Variants in WDR59 observed in about 807,000 individuals in gnomAD.
WDR59 encodes WD repeat domain 59.
A neutral mutation model predicts 131.2 loss-of-function variants in WDR59; 100 were observed. The ratio of observed to expected loss-of-function variants is 0.76; its 90% confidence interval spans 0.65 to 0.90. The LOEUF is 0.90. Among genes scored for constraint, WDR59 ranks in the 40% least tolerant of loss-of-function variants. WDR59 has a pLI of 0.00. For missense variants in WDR59, 1,203 were observed against 1,262.2 expected (o/e 0.95, Z 0.71); for synonymous variants, 601 against 466.2 (o/e 1.29, Z -3.72).
At chr16:74,889,865 C>A (rs753605287) in intron 20 of WDR59, 50 bp from the exon 21 acceptor site, 1 of 1,450,294 alleles carries the variant, frequency 6.9e-7, no homozygotes, top group Non-Finnish European at 9.6e-7. Flanking sequence ...GGACAAGAAC[C>A]GAAACCATGA....
rs1174277803 is a variant in WDR59, at chr16:74,908,942, G to A, written c.1678C>T (p.His560Tyr). Residue 560 changes from histidine to tyrosine, a missense_variant, in exon 17 of 26, where the codon CAT (histidine) becomes TAT (tyrosine). By Grantham distance (83) the His-to-Tyr change is moderately conservative. Transcript: ENST00000262144. ...LVYFTRPMTM[H>Y]RAVSPTEPTP... Reference sequence around the variant, plus strand: ...GGCTCTGTGGGAGACACCGCCCGATGCATTGTCATGGGCCTTGTGAAATAT... The same window carrying A: ...GGCTCTGTGGGAGACACCGCCCGATACATTGTCATGGGCCTTGTGAAATAT... 2.5e-6 allele frequency: 4 copies of A among 1,614,150 alleles called. No individual in the cohort carries two copies. The highest frequency in any genetic ancestry group is 3.4e-6 in the Non-Finnish European group (4 of 1,179,996).
rs534749132 is a variant in WDR59, at chr16:74,945,727, G to A, written c.445+2792C>T. On this transcript the variant is annotated intron_variant, in intron 6 of 25. Coordinates refer to ENST00000262144, the MANE Select transcript of WDR59 (RefSeq NM_030581.4). ...AACAAATGCTCAGTCCCCCTTATCCGCGGGTCCACCTTCTACAGTGTGAGT... is the reference window on the plus strand; with the variant it reads ...AACAAATGCTCAGTCCCCCTTATCCACGGGTCCACCTTCTACAGTGTGAGT... Among the ~76,000 whole-genome samples, 12 of 152,006 alleles carry A rather than the reference G, an allele frequency of 7.9e-5. No individual in the cohort carries two copies. In the East Asian group the frequency reaches 1.2e-3, roughly 15 times the overall value.
At chr16:74,975,491 C>T (rs1178106107) in intron 1 of WDR59, among the ~76,000 whole-genome samples, 4 of 151,596 alleles carry the variant, frequency 2.6e-5, no homozygotes, top group African/African-American at 9.7e-5. Flanking sequence ...GGTAAAACCC[C>T]GTCTCTACTA....
chr16:74,938,979 C>T (rs895363742), intron 7 of WDR59, among the ~76,000 whole-genome samples: 1 of 151,890 alleles, frequency 6.6e-6, no homozygotes, highest in Admixed American at 6.6e-5. Context: ...CACTAAGATT[C>T]CAAAGGAGAA....
intron 1 of WDR59, among the ~76,000 whole-genome samples, chr16:74,977,082 AG>A (rs1361964489): frequency 6.6e-6 from 1 of 152,154 alleles, no homozygotes; most frequent in African/African-American, 2.4e-5. Flanking sequence ...ATCAAAAGAC[AG>A]CACATAGCTG....
chr16:74,953,610 A>G (rs2033125481), intron 3 of WDR59, among the ~76,000 whole-genome samples: 1 of 152,204 alleles, frequency 6.6e-6, no homozygotes, highest in African/African-American at 2.4e-5. Flanking sequence ...GGAAGAAAAC[A>G]TTTGCAAATC....
intron 8 of WDR59, among the ~76,000 whole-genome samples, chr16:74,931,279 T>TGG (rs2031361750): frequency 6.6e-6 from 1 of 152,170 alleles, no homozygotes; most frequent in Admixed American, 6.5e-5. Flanking sequence ...AAAAATTACA[T>TGG]TAAATCGAAT....
chr16:74,895,055 G>A (rs1965228049), intron 18 of WDR59, among the ~76,000 whole-genome samples: 1 of 152,136 alleles, frequency 6.6e-6, no homozygotes, highest in Non-Finnish European at 1.5e-5. Context: ...TCTGACCACT[G>A]ATATCCCATT....
intron 3 of WDR59, among the ~76,000 whole-genome samples, chr16:74,952,192 T>C (rs919503983): frequency 1.3e-5 from 2 of 151,762 alleles, no homozygotes; most frequent in African/African-American, 4.8e-5. Context: ...TGGTGGCTCA[T>C]GCCTGTAATC....
chr16:74,951,988 G>T lies in WDR59; in HGVS notation c.241-445C>A, dbSNP rs1036544275. Among the ~76,000 whole-genome samples the T allele has an allele frequency of 2.0e-3, 280 of 142,730 alleles. 2 individuals are homozygous for T. The highest frequency in any genetic ancestry group is 2.5e-3 in the African/African-American group (99 of 39,182). The allele number at this position is 142,730 out of a possible 152,430, so 93.6% of individuals were successfully genotyped here. A position where few individuals can be genotyped will look rare whatever the true frequency, so the allele number is the denominator to read the frequency against. Reference sequence around the variant, plus strand: ...CAGAGTCCACCTACCACAGGTTTTTGTTTTTTTTTTTTTCTTGAGATGGGA... The same window carrying T: ...CAGAGTCCACCTACCACAGGTTTTTTTTTTTTTTTTTTTCTTGAGATGGGA... On this transcript the variant is annotated intron_variant, in intron 3 of 25. Coordinates refer to ENST00000262144, the MANE Select transcript of WDR59 (RefSeq NM_030581.4).
At chr16:74,874,978 G>A (rs979670267) in intron 25 of WDR59, among the ~76,000 whole-genome samples, 4 of 152,118 alleles carry the variant, frequency 2.6e-5, no homozygotes, top group African/African-American at 7.2e-5. Flanking sequence ...CAGGGGCTCC[G>A]CATGGAAACC....
At chr16:74,960,742 C>T (rs1344908596) in intron 2 of WDR59, among the ~76,000 whole-genome samples, 3 of 123,904 alleles carry the variant, frequency 2.4e-5, no homozygotes, top group African/African-American at 6.3e-5. Flanking sequence ...AGCAAGATTC[C>T]GTCTCAAAAA....
intron 10 of WDR59, among the ~76,000 whole-genome samples, chr16:74,920,232 C>T (rs1228862989): frequency 6.6e-6 from 1 of 152,074 alleles, no homozygotes; most frequent in Non-Finnish European, 1.5e-5. Flanking sequence ...ACAATTTTAA[C>T]ATAATGCACA....
At chr16:74,969,956 AT>A (rs2033916828) in intron 1 of WDR59, among the ~76,000 whole-genome samples, 1 of 148,952 alleles carries the variant, frequency 6.7e-6, no homozygotes, top group Non-Finnish European at 1.5e-5. Context: ...CAGGGTCTCA[AT>A]TTTTTGCCCA....
intron 1 of WDR59, among the ~76,000 whole-genome samples, chr16:74,970,978 G>A (rs2033959548): frequency 1.3e-5 from 2 of 151,884 alleles, no homozygotes; most frequent in South Asian, 2.1e-4. Flanking sequence ...GAGCCCGAGA[G>A]GTTGTGGCTA....
At chr16:74,958,635 C>CAAAAAAAAAAAAAAAAAAAAA (rs2033420817) in intron 2 of WDR59, among the ~76,000 whole-genome samples, 1 of 83,162 alleles carries the variant, frequency 1.2e-5, no homozygotes, top group Non-Finnish European at 2.7e-5. Flanking sequence ...CTAAATAAAG[C>CAAAAAAAAAAAAAAAAAAAAA]CAAAGTACAT....
rs1187670294 is a variant in WDR59 at position 74,918,137 on chromosome 16, C to T, written c.887-129G>A. ...TACTGAACATTTCTCATATGCCAGG[C>T]ACTATTCTAGGTACCAGGACTACAG... On this transcript the variant is annotated intron_variant, in intron 10 of 25. Coordinates refer to ENST00000262144, the MANE Select transcript of WDR59 (RefSeq NM_030581.4). The T allele has an allele frequency of 3.6e-6, 3 of 828,632 alleles. No homozygotes were observed. In the African/African-American group the frequency reaches 5.1e-5, roughly 14 times the overall value. The allele number at this position is 828,632 out of a possible 1,614,324, so 51.3% of individuals were successfully genotyped here. A position where few individuals can be genotyped will look rare whatever the true frequency, so the allele number is the denominator to read the frequency against.
At chr16:74,875,091 G>C (rs1308097002) in intron 25 of WDR59, among the ~76,000 whole-genome samples, 2 of 152,196 alleles carry the variant, frequency 1.3e-5, no homozygotes, top group African/African-American at 4.8e-5. Context: ...TCAGCTGAAA[G>C]AACTGAATGA....
intron 25 of WDR59, among the ~76,000 whole-genome samples, chr16:74,878,094 C>A (rs954737487): frequency 7.2e-5 from 11 of 152,192 alleles, no homozygotes; most frequent in Non-Finnish European, 1.6e-4. Flanking sequence ...GGAAGCCAGA[C>A]ATGACTGGGA....
Sources: gnomAD v4.1 joint callset for allele counts (sites outside exome capture counted in the v4.1 genomes callset) on GRCh38, gnomAD v4.1.1 for gene constraint, MANE v1.5 for transcripts, NCBI Gene and HGNC (gene_info 2026-07-23, HGNC 2026-07-21) for gene names.